Variants in WFDC13 observed in about 807,000 individuals in gnomAD.
The protein encoded by WFDC13 is WAP four-disulfide core domain protein 13.
In WFDC13, 6 loss-of-function variants were observed where a neutral mutation model predicts 10.9. The ratio of observed to expected loss-of-function variants is 0.55; its 90% CI spans 0.30 to 1.09. The LOEUF (loss-of-function observed/expected upper bound fraction) is 1.09. WFDC13 is among the 50% of genes least tolerant of loss of function. The probability of loss-of-function intolerance (pLI) is 0.06; values close to 1 mark genes in which losing one functional copy is unlikely to be tolerated. For synonymous variants in WFDC13, 38 were observed against 39.5 expected (o/e 0.96, Z 0.14); for missense variants, 104 against 109.6 (o/e 0.95, Z 0.23).
intron 3 of WFDC13, among the ~76,000 whole-genome samples, chr20:45,707,043 G>C (rs1028981895): frequency 1.3e-5 from 2 of 152,242 alleles, no homozygotes; most frequent in Middle Eastern, 3.2e-3. Flanking sequence ...GTGATAAATA[G>C]TAGCAGGTGG....
rs780207332 is a variant in WFDC13, at chr20:45,702,093, C to T, written c.-31C>T. ...CCTGGTCAAACCCAGCAACCCTTGG[C>T]CAGAACTTACTCACCCATCCCACTG... On this transcript the variant is annotated 5_prime_UTR_variant, in exon 1 of 4. Transcript: ENST00000305479. 1 of 1,603,358 alleles carries T rather than the reference C, an allele frequency of 6.2e-7. No homozygotes were observed. Among genetic ancestry groups the T allele is most frequent in the Admixed American group, 1.7e-5 (1 of 58,654 alleles).
rs1380042233 is a variant in WFDC13, at chr20:45,707,998, T to C, written c.*163T>C. On this transcript the variant is annotated 3_prime_UTR_variant, in exon 4 of 4. Transcript: ENST00000305479. ...ACCATAAAACTCTTGAAGCTTAAGC[T>C]TTAGGTCAACACTTGCAAGAGCCCC... 1.3e-5 allele frequency: 2 copies of C among 152,164 alleles called. No homozygotes were observed. Among genetic ancestry groups the C allele is most frequent in the African/African-American group, 2.4e-5 (1 of 41,422 alleles). The allele number at this position is 152,164 out of a possible 1,614,324, so 9.4% of individuals were successfully genotyped here. A position where few individuals can be genotyped will look rare whatever the true frequency, so the allele number is the denominator to read the frequency against.
At position 45,702,618 on chromosome 20, in the gene WFDC13, G is replaced by A. The variant is rs138947280; in HGVS notation, c.88+407G>A. On this transcript the variant is annotated intron_variant, in intron 1 of 3. Coordinates refer to ENST00000305479, the MANE Select transcript of WFDC13 (RefSeq NM_172005.2). ...AAACAGAGAGACAACGAAGTTGGTA[G>A]AACTCAAGCTAGAATCTACATAACC... Among the ~76,000 whole-genome samples the A allele has an allele frequency of 2.6e-3, 389 of 152,344 alleles. 3 individuals carry two copies. The highest frequency in any genetic ancestry group is 0.014 in the Middle Eastern group (4 of 294).
rs1258148589 is a variant in WFDC13 at position 45,704,527 on chromosome 20, G to A, written c.172G>A (p.Gly58Arg). The A allele has an allele frequency of 6.2e-7, 1 of 1,614,024 alleles. No homozygotes were observed. Among genetic ancestry groups the A allele is most frequent in the East Asian group, 2.2e-5 (1 of 44,894 alleles). Residue 58 changes from glycine to arginine, a missense_variant, in exon 2 of 4, where the codon GGA becomes AGA. Gly to Arg is a moderately radical substitution (Grantham distance 125). Coordinates refer to ENST00000305479, the MANE Select transcript of WFDC13 (RefSeq NM_172005.2). ...TACAATGCAGGAAGATTGCGAGAAA[G>A]GATTTCAGTGCTGTTCCTCCTTCTG... ...LCTMQEDCEK[G>R]FQCCSSFCGI...
intron 1 of WFDC13, among the ~76,000 whole-genome samples, chr20:45,703,918 C>G (rs1984280633): frequency 6.6e-6 from 1 of 152,198 alleles, no homozygotes; most frequent in Admixed American, 6.5e-5. Flanking sequence ...TGGGTCCCAG[C>G]TCTCTGATCC....
intron 2 of WFDC13, 54 bp from the exon 3 acceptor site, chr20:45,705,809 T>C: frequency 3.3e-6 from 5 of 1,525,946 alleles, no homozygotes; most frequent in Non-Finnish European, 3.6e-6. Flanking sequence ...AAAATATATA[T>C]CTCTAAAAGT....
intron 1 of WFDC13, among the ~76,000 whole-genome samples, chr20:45,702,570 T>C (rs1984209888): frequency 6.6e-6 from 1 of 152,206 alleles, no homozygotes; most frequent in Non-Finnish European, 1.5e-5. Flanking sequence ...TCATGGATGC[T>C]TGGACTCACT....
chr20:45,705,891 A>C lies in WFDC13; in HGVS notation c.268A>C (p.Met90Leu), dbSNP rs774289346. The C allele has an allele frequency of 6.2e-7, 1 of 1,613,994 alleles. No individual in the cohort carries two copies. The highest frequency in any genetic ancestry group is 8.5e-7 in the Non-Finnish European group (1 of 1,180,006). ...RIKHKGSEVI[M>L]PAN ...CAAACACAAGGGCTCAGAAGTCATC[A>C]TGCCTGCCAACTGAGGCATATTTCC... Residue 90 changes from methionine (M) to leucine (L), a missense_variant, in exon 3 of 4, where the codon ATG (methionine) becomes CTG (leucine). Met to Leu is a conservative substitution (Grantham distance 15). Coordinates refer to ENST00000305479, the MANE Select transcript of WFDC13 (RefSeq NM_172005.2).
At chr20:45,705,248 C>A in intron 2 of WFDC13, 1 of 495,104 alleles carries the variant, frequency 2.0e-6, no homozygotes, top group Admixed American at 3.4e-5. Flanking sequence ...CTTGTTTTTT[C>A]CTGCTTTGCA....
chr20:45,703,829 G>T (rs1221916269), intron 1 of WFDC13, among the ~76,000 whole-genome samples: 1 of 152,162 alleles, frequency 6.6e-6, no homozygotes, highest in African/African-American at 2.4e-5. Context: ...GAAGAAAAAA[G>T]CTGAATCTTT....
At chr20:45,704,059 A>G (rs1984285826) in intron 1 of WFDC13, among the ~76,000 whole-genome samples, 1 of 152,174 alleles carries the variant, frequency 6.6e-6, no homozygotes, top group Admixed American at 6.5e-5. Flanking sequence ...AAGCTCTACA[A>G]CTTGCTCAAG....
At chr20:45,704,314 G>A in intron 1 of WFDC13, 130 bp from the exon 2 acceptor site, 1 of 1,262,818 alleles carries the variant, frequency 7.9e-7, no homozygotes, top group Non-Finnish European at 1.1e-6. Flanking sequence ...AAAACCTGAT[G>A]CCACCACCCT....
chr20:45,704,133 T>C (rs1984288769), intron 1 of WFDC13, among the ~76,000 whole-genome samples: 1 of 152,224 alleles, frequency 6.6e-6, no homozygotes, highest in South Asian at 2.1e-4. Context: ...ACATACACCA[T>C]TGATACCCTT....
rs1287140090 is a variant in WFDC13 at position 45,704,651 on chromosome 20, G to GA, written c.239+59dup. The GA allele has an allele frequency of 1.9e-6, 3 of 1,590,678 alleles. No individual in the cohort carries two copies. In the African/African-American group the frequency reaches 4.1e-5, roughly 22 times the overall value. On this transcript the variant is annotated intron_variant, in intron 2 of 3. Coordinates refer to ENST00000305479, the MANE Select transcript of WFDC13 (RefSeq NM_172005.2). The stretch of plus-strand genomic sequence containing the variant: ...TAGAGCTGCTGGTGGGAGCCCAGCA[G>GA]AAGAGTCCCTTACCAGCAACTGTGC...
In WFDC13 at chr20:45,702,197, A is replaced by G. The variant is rs1984189629; in HGVS notation, c.74A>G (p.Lys25Arg). The change falls in exon 1 of 4, where the codon AAG becomes AGG. Residue 25 changes from lysine to arginine, a missense_variant. By Grantham distance (26) the Lys-to-Arg change is conservative. Transcript: ENST00000305479. ...CTGCAGCTGGTGCCTGGGAGTCCCA[A>G]GCAGCGTGTTCTGAGTAGGTGCTGG... ...LALQLVPGSPKQRVLKYILEP... is the reference protein window; with the variant it reads ...LALQLVPGSPRQRVLKYILEP... The G allele has an allele frequency of 3.1e-6, 5 of 1,612,558 alleles. No individual in the cohort carries two copies. The East Asian group carries it at 8.9e-5, about 29-fold the overall frequency.
chr20:45,702,317 T>C, intron 1 of WFDC13, 106 bp downstream of exon 1: 1 of 1,161,362 alleles, frequency 8.6e-7, no homozygotes, highest in Non-Finnish European at 1.2e-6. Context: ...CGTGTCATGT[T>C]CAAGGGCCCA....
chr20:45,706,613 A>G (rs1270156699), intron 3 of WFDC13, among the ~76,000 whole-genome samples: 1 of 152,104 alleles, frequency 6.6e-6, no homozygotes, highest in African/African-American at 2.4e-5. Flanking sequence ...CTCTACTAAA[A>G]ATACAAAAAT....
intron 2 of WFDC13, chr20:45,704,986 C>T (rs749602403): frequency 1.9e-6 from 3 of 1,614,182 alleles, no homozygotes; most frequent in South Asian, 2.2e-5. Flanking sequence ...TTTCACAAGA[C>T]ACCATCCTTT....
At chr20:45,704,848 A>C in intron 2 of WFDC13, 1 of 1,514,702 alleles carries the variant, frequency 6.6e-7, no homozygotes, top group Non-Finnish European at 9.2e-7. Flanking sequence ...CTCTGAACAC[A>C]CCCACAAATG....
Sources: allele counts gnomAD v4.1 joint callset (sites outside exome capture counted in the v4.1 genomes callset), GRCh38; gene constraint gnomAD v4.1.1; transcripts MANE v1.5; gene names NCBI Gene and HGNC (gene_info 2026-07-23, HGNC 2026-07-21).